The following ST7L variants were observed in gnomAD, a reference collection of about 807,000 sequenced individuals.
ST7L encodes the protein suppressor of tumorigenicity 7 protein-like.
In ST7L, 57 loss-of-function variants were observed where a neutral mutation model predicts 72.5. That is an observed-to-expected ratio of 0.79 (90% confidence interval 0.64 to 0.98). The LOEUF (loss-of-function observed/expected upper bound fraction) is 0.98, where lower values mean the gene tolerates loss of function less well. Among genes scored for constraint, ST7L ranks in the 50% least tolerant of loss-of-function variants. The pLI is 0.00. For missense variants in ST7L, 576 were observed against 672.2 expected (o/e 0.86, Z 1.58); for synonymous variants, 221 against 240.9 (o/e 0.92, Z 0.77).
At chr1:112,577,214 A>G (rs928331615) in intron 10 of ST7L, 126 bp from the exon 11 acceptor site, 2 of 480,882 alleles carry the variant, frequency 4.2e-6, no homozygotes, top group Admixed American at 8.1e-5. Flanking sequence ...ACAAAGCCAG[A>G]GGACTAACAA....
At chr1:112,590,206 A>G (rs1665482874) in intron 6 of ST7L, among the ~76,000 whole-genome samples, 1 of 152,194 alleles carries the variant, frequency 6.6e-6, no homozygotes, top group African/African-American at 2.4e-5. Flanking sequence ...AAACGACCAC[A>G]GTTCTTTGAA....
intron 13 of ST7L, among the ~76,000 whole-genome samples, chr1:112,548,764 A>G (rs1327041697): frequency 6.6e-6 from 1 of 152,252 alleles, no homozygotes; most frequent in Non-Finnish European, 1.5e-5. Context: ...TTACTAGTTT[A>G]CAGAGGAAAG....
At chr1:112,566,299 T>TTG (rs1661032009) in intron 11 of ST7L, among the ~76,000 whole-genome samples, 1 of 137,394 alleles carries the variant, frequency 7.3e-6, no homozygotes, top group Non-Finnish European at 1.6e-5. Context: ...TTCTTCTTCT[T>TTG]TTTTTTTTTT....
At chr1:112,575,218 G>A (rs764268181) in intron 11 of ST7L, among the ~76,000 whole-genome samples, 6 of 152,098 alleles carry the variant, frequency 3.9e-5, no homozygotes, top group South Asian at 2.1e-4. Context: ...CAGCTTGGGC[G>A]AAAGCAAAAC....
At chr1:112,568,861 A>ATATAT (rs1661536936) in intron 11 of ST7L, among the ~76,000 whole-genome samples, 559 of 114,750 alleles carry the variant, frequency 4.9e-3, no homozygotes, top group Non-Finnish European at 6.9e-3. Flanking sequence ...TATAAATATA[A>ATATAT]ATATATATAT....
chr1:112,533,305 A>G (rs1654677839), intron 14 of ST7L, among the ~76,000 whole-genome samples: 1 of 151,454 alleles, frequency 6.6e-6, no homozygotes, highest in Non-Finnish European at 1.5e-5. Flanking sequence ...AAAGAAAAGC[A>G]TATGTGCGTT....
At chr1:112,544,243 G>A (rs1189411817) in intron 13 of ST7L, among the ~76,000 whole-genome samples, 3 of 152,268 alleles carry the variant, frequency 2.0e-5, no homozygotes, top group East Asian at 3.9e-4. Context: ...CTAATTTTGT[G>A]CTGAACCAAG....
chr1:112,548,115 G>T (rs1173035350), intron 13 of ST7L, among the ~76,000 whole-genome samples: 6 of 152,118 alleles, frequency 3.9e-5, no homozygotes, highest in Non-Finnish European at 8.8e-5. Context: ...AGCACTTTGG[G>T]AGGCCAAGGC....
At chr1:112,527,223 T>C (rs948206021) in intron 14 of ST7L, 1 of 152,352 alleles carries the variant, frequency 6.6e-6, no homozygotes, top group Middle Eastern at 3.2e-3. Flanking sequence ...AAAAGTACAA[T>C]GTTCATCAAT....
In ST7L at chr1:112,599,076, ATATATATATAT is replaced by A. The variant is rs1666971601; in HGVS notation, c.507-1001_507-991del. On this transcript the variant is annotated intron_variant, in intron 4 of 14. Coordinates refer to ENST00000358039, the MANE Select transcript of ST7L (RefSeq NM_017744.5). Reference sequence around the variant, plus strand: ...CTCAGCCTCAAAAAAAAAAAAAAATATATATATATATATATATATATATATATATATATATG... The same window carrying A: ...CTCAGCCTCAAAAAAAAAAAAAAATAATATATATATATATATATATATATG... Among the ~76,000 whole-genome samples, 11 of 42,740 alleles carry A rather than the reference ATATATATATAT, an allele frequency of 2.6e-4. 1 individual carries two copies. Among genetic ancestry groups the A allele is most frequent in the African/African-American group, 8.0e-4 (8 of 9,992 alleles). 28.0% of individuals were successfully genotyped at this position (42,740 alleles called of 152,430 possible). A position where few individuals can be genotyped will look rare whatever the true frequency, so the allele number is the denominator to read the frequency against.
chr1:112,577,845 G>A (rs1258476921), intron 10 of ST7L, among the ~76,000 whole-genome samples: 2 of 152,108 alleles, frequency 1.3e-5, no homozygotes, highest in Admixed American at 1.3e-4. Context: ...TGGTTTCTGA[G>A]TATCTTACCT....
chr1:112,539,679 A>C (rs1655795708), intron 14 of ST7L: 4 of 674,602 alleles, frequency 5.9e-6, no homozygotes, highest in Non-Finnish European at 7.0e-6. Flanking sequence ...AAAAAGAAAA[A>C]GAAAAAGAAA....
chr1:112,618,941 A>G lies in ST7L; in HGVS notation c.173T>C (p.Ile58Thr). The change falls in exon 1 of 15, where the codon ATC (isoleucine) becomes ACC (threonine). Residue 58 changes from isoleucine to threonine, a missense_variant. Coordinates refer to ENST00000358039, the MANE Select transcript of ST7L (RefSeq NM_017744.5). ...AGLGLLYALR[I>T]PLRLCENLAA... Reference sequence around the variant, plus strand: ...CAAATTCTCACACAGCCTCAAAGGGATCCTCAGGGCGTAAAGCAGCCCCAG... The same window carrying G: ...CAAATTCTCACACAGCCTCAAAGGGGTCCTCAGGGCGTAAAGCAGCCCCAG... 1 of 1,581,858 alleles carries G rather than the reference A, an allele frequency of 6.3e-7. No homozygotes were observed. Among genetic ancestry groups the G allele is most frequent in the Non-Finnish European group, 8.6e-7 (1 of 1,164,230 alleles).
intron 13 of ST7L, 51 bp downstream of exon 13, chr1:112,550,550 C>T: frequency 7.2e-7 from 1 of 1,386,136 alleles, no homozygotes; most frequent in Non-Finnish European, 1.0e-6. Context: ...CTATGACAAA[C>T]AATCTAAACT....
intron 3 of ST7L, among the ~76,000 whole-genome samples, chr1:112,601,791 G>A (rs1474337720): frequency 1.3e-5 from 2 of 151,946 alleles, no homozygotes; most frequent in Non-Finnish European, 2.9e-5. Context: ...AAAATAGACT[G>A]GAAGAGGCCG....
rs1397259568 is a variant in ST7L, at chr1:112,568,868, A to ATATATATG, written c.1245+8117_1245+8118insCATATATA. On this transcript the variant is annotated intron_variant, in intron 11 of 14. Transcript: ENST00000358039. ...TTTATAAATATAAATATAAATATAT[A>ATATATATG]TATATATATATATATATATAAAACA... Among the ~76,000 whole-genome samples the ATATATATG allele has an allele frequency of 7.7e-5, 7 of 91,242 alleles. 1 individual carries two copies. The highest frequency in any genetic ancestry group is 6.9e-4 in the Admixed American group (7 of 10,142). 59.9% of individuals were successfully genotyped at this position (91,242 alleles called of 152,430 possible). A position where few individuals can be genotyped will look rare whatever the true frequency, so the allele number is the denominator to read the frequency against.
chr1:112,603,243 T>C (rs1667708088), intron 3 of ST7L, among the ~76,000 whole-genome samples: 1 of 152,232 alleles, frequency 6.6e-6, no homozygotes, highest in South Asian at 2.1e-4. Flanking sequence ...AGATGGATCA[T>C]GATATGGATA....
At position 112,578,420 on chromosome 1, in the gene ST7L, G is replaced by A; in HGVS notation, c.1070-3C>T. 6.2e-7 allele frequency: 1 copy of A among 1,613,614 alleles called. No homozygotes were observed. Among genetic ancestry groups the A allele is most frequent in the Non-Finnish European group, 8.5e-7 (1 of 1,179,582 alleles). On this transcript the variant is annotated splice_region_variant and splice_polypyrimidine_tract_variant and intron_variant, in intron 9 of 14. Coordinates refer to ENST00000358039, the MANE Select transcript of ST7L (RefSeq NM_017744.5). ...TGCTGACTTTGGAAGGCTTATATCT[G>A]TAACGATAATTTTCAATTTAGGTAG... is the stretch of plus-strand genomic sequence containing the variant.
chr1:112,591,084 C>G (rs1050541782), intron 6 of ST7L, among the ~76,000 whole-genome samples: 1 of 151,954 alleles, frequency 6.6e-6, no homozygotes, highest in African/African-American at 2.4e-5. Context: ...GCGCTCGCCC[C>G]CATGCCCGGC....
Sources: allele counts gnomAD v4.1 joint callset (sites outside exome capture counted in the v4.1 genomes callset), GRCh38; gene constraint gnomAD v4.1.1; transcripts MANE v1.5; gene names NCBI Gene and HGNC (gene_info 2026-07-23, HGNC 2026-07-21).